SHC2: variants seen among roughly 807,000 people sequenced by gnomAD.
The protein encoded by SHC2 is SHC adaptor protein 2.
SHC2 carries 62 observed loss-of-function variants against 60.6 expected under a neutral mutation model. That is an observed-to-expected ratio of 1.02 (90% confidence interval 0.83 to 1.26). The LOEUF is 1.26. Among genes scored for constraint, SHC2 ranks in the 50% most tolerant of loss-of-function variants. The probability of loss-of-function intolerance (pLI) is 0.00; values close to 1 mark genes in which losing one functional copy is unlikely to be tolerated. For missense variants in SHC2, 873 were observed against 822.2 expected (o/e 1.06, Z -0.76); for synonymous variants, 375 against 372.4 (o/e 1.01, Z -0.08).
At position 422,394 on chromosome 19, in the gene SHC2, G is replaced by A; in HGVS notation, c.1372C>T (p.Pro458Ser). ...GGCCACTGGTCCTCCAAGGGAAGAG[G>A]GGCTGCTGTCACGCCTGCCGCCACT... ...CSVAAGVTAA[P>S]LPLEDQWPSP... Residue 458 changes from proline (P) to serine (S), a missense_variant, in exon 11 of 13, where the codon CCT (proline) becomes TCT (serine). Coordinates refer to ENST00000264554, the MANE Select transcript of SHC2 (RefSeq NM_012435.3). The surrounding 1 kb of genome is among the most constrained non-coding windows in gnomAD (Gnocchi z 5.0). 6.3e-7 allele frequency: 1 copy of A among 1,599,054 alleles called. No individual in the cohort carries two copies. The highest frequency in any genetic ancestry group is 8.5e-7 in the Non-Finnish European group (1 of 1,173,494).
In SHC2 at chr19:424,803, G is replaced by A. The variant is rs920845761; in HGVS notation, c.1309+294C>T. On this transcript the variant is annotated intron_variant, in intron 10 of 12. Coordinates refer to ENST00000264554, the MANE Select transcript of SHC2 (RefSeq NM_012435.3). This position sits in a 1 kb window ranked among gnomAD's most constrained non-coding sequence, Gnocchi z 4.5. ...CGGGAGATGGGGTCCTGTAGGAGGGGCTGGGCCTCACCCATTACACTGCTC... is the reference window on the plus strand; with the variant it reads ...CGGGAGATGGGGTCCTGTAGGAGGGACTGGGCCTCACCCATTACACTGCTC... 6.6e-6 allele frequency among the ~76,000 whole-genome samples: 1 copy of A among 152,150 alleles called. No individual in the cohort carries two copies. The highest frequency in any genetic ancestry group is 2.4e-5 in the African/African-American group (1 of 41,434).
chr19:437,316 CTGCATGCTCATCTGCGTGCTTGTT>C (rs1568289399), intron 4 of SHC2, among the ~76,000 whole-genome samples: 7 of 150,418 alleles, frequency 4.7e-5, no homozygotes, highest in Middle Eastern at 3.4e-3. Context: ...GTGTGCTCAT[CTGCATGCTCATCTGCGTGCTTGTT>C]TGCATGCTCA....
intron 1 of SHC2, among the ~76,000 whole-genome samples, chr19:458,279 C>T (rs1975418849): frequency 8.9e-6 from 1 of 111,964 alleles, no homozygotes; most frequent in African/African-American, 3.7e-5. Flanking sequence ...CTTGGGGAGG[C>T]GGAAGTGGGT....
In SHC2 at chr19:446,219, C is replaced by T. The variant is rs748253949; in HGVS notation, c.469-5287G>A. 8.5e-5 allele frequency among the ~76,000 whole-genome samples: 13 copies of T among 152,250 alleles called. No homozygotes were observed. The highest frequency in any genetic ancestry group is 6.8e-3 in the Middle Eastern group (2 of 294). ...CCTCAGAGCCTCCAGCAGAAACCAG[C>T]CCTGCCCACACCTTGGCTCGGACGT... On this transcript the variant is annotated intron_variant, in intron 1 of 12. Transcript: ENST00000264554. This position sits in a 1 kb window ranked among gnomAD's most constrained non-coding sequence, Gnocchi z 5.4.
rs74899476 is a variant in SHC2 at position 453,782 on chromosome 19, C to A, written c.468+6747G>T. Among the ~76,000 whole-genome samples, 4,077 of 152,300 alleles carry A rather than the reference C, an allele frequency of 0.027. 187 individuals are homozygous for A. The highest frequency in any genetic ancestry group is 0.19 in the East Asian group (962 of 5,166). On this transcript the variant is annotated intron_variant, in intron 1 of 12. Coordinates refer to ENST00000264554, the MANE Select transcript of SHC2 (RefSeq NM_012435.3). The surrounding 1 kb of genome is among the most constrained non-coding windows in gnomAD (Gnocchi z 6.3). Reference sequence around the variant, plus strand: ...TTGCCGACCGTGTCCCAGTTTGCGTCCATCCCCCACCGGGCCTGGGCTCCA... The same window carrying A: ...TTGCCGACCGTGTCCCAGTTTGCGTACATCCCCCACCGGGCCTGGGCTCCA...
At chr19:450,508 C>G (rs1975155497) in intron 1 of SHC2, among the ~76,000 whole-genome samples, 1 of 152,198 alleles carries the variant, frequency 6.6e-6, no homozygotes, top group Admixed American at 6.5e-5. Flanking sequence ...ACTCCCCGTC[C>G]CCTCCCCAGC....
chr19:421,375 G>A (rs368189403), intron 11 of SHC2, among the ~76,000 whole-genome samples: 1 of 147,716 alleles, frequency 6.8e-6, no homozygotes. Context: ...ATTCCAGCCG[G>A]GGCAACAGTG....
Position 421,880 on chromosome 19 carries a change from A to C in SHC2, c.1620+266T>G, listed in dbSNP as rs974176951. On this transcript the variant is annotated intron_variant, in intron 11 of 12. Transcript: ENST00000264554. ...AGCTACGACTGTGCCACTGCAGTCC[A>C]GCCCGGGTGACAGAGCCAGACTCTG... 5.3e-5 allele frequency among the ~76,000 whole-genome samples: 8 copies of C among 152,336 alleles called. 1 individual carries two copies. The highest frequency in any genetic ancestry group is 1.9e-4 in the African/African-American group (8 of 41,582).
rs1043046841 is a variant in SHC2 at position 420,999 on chromosome 19, G to C, written c.1620+1147C>G. On this transcript the variant is annotated intron_variant, in intron 11 of 12. Transcript: ENST00000264554. ...CGGGAAGTGGAGGTTACAGTGAGCT[G>C]AGATTGCGCCACTGCACTCCAGCCT... is the stretch of plus-strand genomic sequence containing the variant. Among the ~76,000 whole-genome samples the C allele has an allele frequency of 2.0e-5, 3 of 152,062 alleles. No homozygotes were observed. In the South Asian group the frequency reaches 6.2e-4, roughly 32 times the overall value.
chr19:455,515 C>T (rs1975321236), intron 1 of SHC2, among the ~76,000 whole-genome samples: 2 of 152,254 alleles, frequency 1.3e-5, no homozygotes, highest in African/African-American at 4.8e-5. Context: ...GCCCACGCCG[C>T]TGATTATCCG....
intron 9 of SHC2, among the ~76,000 whole-genome samples, chr19:429,286 C>T (rs149027017): frequency 4.2e-5 from 6 of 143,844 alleles, no homozygotes; most frequent in East Asian, 4.2e-4. Flanking sequence ...GTGTGGATGA[C>T]GCAGTACCTA....
intron 1 of SHC2, 71 bp downstream of exon 1, chr19:460,458 G>T: frequency 4.1e-6 from 3 of 737,170 alleles, no homozygotes; most frequent in Admixed American, 5.1e-5. Context: ...GGGTCCGGGG[G>T]TCCCGGAGGA....
At chr19:434,436 G>T (rs370184784) in intron 8 of SHC2, among the ~76,000 whole-genome samples, 6 of 67,948 alleles carry the variant, frequency 8.8e-5, no homozygotes, top group African/African-American at 3.5e-4. Flanking sequence ...GACTGAGTGA[G>T]ATCATGAGTC....
rs935623822 is a variant in SHC2 at position 422,278 on chromosome 19, C to T, written c.1488G>A (p.Ala496=). The T allele has an allele frequency of 2.0e-5, 33 of 1,612,288 alleles. No homozygotes were observed. Among genetic ancestry groups the T allele is most frequent in the East Asian group, 4.5e-5 (2 of 44,876 alleles). ...CGTCAGCTCGAAGCATCCTCTCTGC[C>T]GCCCGGCGGCTCATCCGGCCGTGGT... ...PWYHGRMSRR[A]AERMLRADGD... Residue 496 remains alanine, a synonymous_variant, in exon 11 of 13, where the codon GCG becomes GCA. Transcript: ENST00000264554. The surrounding 1 kb of genome is among the most constrained non-coding windows in gnomAD (Gnocchi z 5.0).
chr19:436,600 C>G, intron 5 of SHC2, 30 bp downstream of exon 5: 5 of 1,597,940 alleles, frequency 3.1e-6, no homozygotes, highest in Non-Finnish European at 4.3e-6. Flanking sequence ...GGCGGCAGGG[C>G]TGCAGGTCCA....
At chr19:436,524 G>C in intron 5 of SHC2, 93 bp from the exon 6 acceptor site, 2 of 1,583,694 alleles carry the variant, frequency 1.3e-6, no homozygotes, top group Non-Finnish European at 1.7e-6. Context: ...TGGGGCAGTG[G>C]ATGTGGGCAC....
intron 4 of SHC2, among the ~76,000 whole-genome samples, 155 bp from the exon 5 acceptor site, chr19:436,838 G>T (rs1974735606): frequency 6.6e-6 from 1 of 152,176 alleles, no homozygotes; most frequent in South Asian, 2.1e-4. Flanking sequence ...GCCGGGTCCT[G>T]GGTCAGCCTG....
intron 7 of SHC2, 103 bp downstream of exon 7, chr19:436,062 A>C (rs1974708203): frequency 7.8e-7 from 1 of 1,283,550 alleles, no homozygotes; most frequent in South Asian, 1.4e-5. Context: ...GGGAGGGACA[A>C]GGGCAGGACG....
At chr19:457,683 A>G (rs1816305316) in intron 1 of SHC2, among the ~76,000 whole-genome samples, 1 of 152,192 alleles carries the variant, frequency 6.6e-6, no homozygotes, top group African/African-American at 2.4e-5. Flanking sequence ...AGCAGCAGTT[A>G]TCCCCCAACA....
Sources: gnomAD v4.1 joint callset for allele counts (sites outside exome capture counted in the v4.1 genomes callset) on GRCh38, gnomAD v4.1.1 for gene constraint, Gnocchi (gnomAD v3.1) non-coding constraint, MANE v1.5 for transcripts, NCBI Gene and HGNC (gene_info 2026-07-23, HGNC 2026-07-21) for gene names.